Variants in CNBD1 observed in about 807,000 individuals in gnomAD.
CNBD1 encodes cyclic nucleotide-binding domain-containing protein 1.
In CNBD1, 71 loss-of-function variants were observed where a neutral mutation model predicts 54.4. That is an observed-to-expected ratio of 1.30 (90% CI 1.08 to 1.59). The LOEUF is 1.59. CNBD1 is among the 40% of genes most tolerant of loss of function. The pLI is 0.00. For synonymous variants in CNBD1, 182 were observed against 170.7 expected (o/e 1.07, Z -0.51); for missense variants, 659 against 518.0 (o/e 1.27, Z -2.64).
At chr8:87,319,023 A>G (rs1046872294) in intron 8 of CNBD1, among the ~76,000 whole-genome samples, 2 of 152,106 alleles carry the variant, frequency 1.3e-5, no homozygotes, top group African/African-American at 4.8e-5. Context: ...AGTAAATAAA[A>G]TCATGGGTTC....
chr8:86,983,156 G>A (rs1311708334), intron 4 of CNBD1, among the ~76,000 whole-genome samples: 1 of 152,048 alleles, frequency 6.6e-6, no homozygotes, highest in African/African-American at 2.4e-5. Flanking sequence ...TATCATGGGG[G>A]CAGGCTTTTC....
At chr8:87,078,885 A>G (rs953820149) in intron 4 of CNBD1, among the ~76,000 whole-genome samples, 5 of 152,164 alleles carry the variant, frequency 3.3e-5, no homozygotes, top group Admixed American at 2.0e-4. Context: ...ATCATTTTTA[A>G]TATCAACTTT....
chr8:87,391,269 A>G (rs189283436), intron 2 of CNBD1, among the ~76,000 whole-genome samples: 1 of 152,054 alleles, frequency 6.6e-6, no homozygotes, highest in Non-Finnish European at 1.5e-5. Context: ...AATAAAAAAA[A>G]GATAACGATT....
chr8:87,190,603 C>G (rs1003525196), intron 4 of CNBD1, among the ~76,000 whole-genome samples: 4 of 152,194 alleles, frequency 2.6e-5, no homozygotes, highest in African/African-American at 9.6e-5. Context: ...TTGATCTTAA[C>G]TCAGAGGTAG....
At chr8:87,129,293 CA>C (rs1038669610) in intron 4 of CNBD1, among the ~76,000 whole-genome samples, 5 of 151,840 alleles carry the variant, frequency 3.3e-5, no homozygotes, top group African/African-American at 1.2e-4. Context: ...CCATCTGGGC[CA>C]AAAGTCGTCT....
intron 5 of CNBD1, among the ~76,000 whole-genome samples, chr8:87,227,741 G>T (rs912382594): frequency 6.7e-6 from 1 of 149,340 alleles, no homozygotes; most frequent in Admixed American, 6.7e-5. Context: ...TTCTCGAGGA[G>T]TATCTTTGTG....
intron 4 of CNBD1, among the ~76,000 whole-genome samples, chr8:87,155,707 G>A (rs1423883870): frequency 5.9e-5 from 9 of 152,176 alleles, no homozygotes; most frequent in Non-Finnish European, 1.3e-4. Context: ...GGTGTTTGTT[G>A]TATATACCTG....
chr8:87,195,703 A>G (rs1181359023), intron 4 of CNBD1, among the ~76,000 whole-genome samples: 2 of 150,882 alleles, frequency 1.3e-5, no homozygotes, highest in Non-Finnish European at 2.9e-5. Context: ...CCTCCTGAGT[A>G]GCTGGGACTA....
rs544425898 is a variant in CNBD1, at chr8:87,353,701, C to T, written c.1218C>T (p.Ser406=). Reference sequence around the variant, plus strand: ...AGAAGGAGTCCTTTGGTGAGATTAGCGTCCTTCTTCAAGTTCCTTTCACGT... The same window carrying T: ...AGAAGGAGTCCTTTGGTGAGATTAGTGTCCTTCTTCAAGTTCCTTTCACGT... The part of the protein sequence containing the change: ...LKEKESFGEI[S]VLLQVPFTCT... Residue 406 remains serine (S), a synonymous_variant, in exon 10 of 11, where the codon AGC becomes AGT. Coordinates refer to ENST00000518476, the MANE Select transcript of CNBD1 (RefSeq NM_173538.3). The T allele has an allele frequency of 1.6e-5, 25 of 1,609,264 alleles. No individual in the cohort carries two copies. The highest frequency in any genetic ancestry group is 6.6e-5 in the South Asian group (6 of 90,440).
At chr8:87,110,688 A>G (rs903713984) in intron 4 of CNBD1, among the ~76,000 whole-genome samples, 2 of 152,268 alleles carry the variant, frequency 1.3e-5, no homozygotes, top group Admixed American at 6.5e-5. Flanking sequence ...ACAAAATATC[A>G]TCAACATAAT....
chr8:87,194,864 T>C (rs1813681902), intron 4 of CNBD1, among the ~76,000 whole-genome samples: 1 of 152,092 alleles, frequency 6.6e-6, no homozygotes, highest in Non-Finnish European at 1.5e-5. Flanking sequence ...AGTGTCTTTT[T>C]TTGTTGTTTT....
At chr8:87,266,225 G>A (rs1808254146) in intron 6 of CNBD1, among the ~76,000 whole-genome samples, 2 of 151,294 alleles carry the variant, frequency 1.3e-5, no homozygotes, top group Non-Finnish European at 2.9e-5. Context: ...AACTTGAAAA[G>A]GTAATTTTAA....
intron 8 of CNBD1, among the ~76,000 whole-genome samples, chr8:87,335,361 G>T (rs1196934676): frequency 1.3e-5 from 2 of 152,088 alleles, no homozygotes; most frequent in Admixed American, 6.6e-5. Context: ...AGGTCTCTAA[G>T]AACTTGTTTT....
chr8:87,375,872 G>C (rs1197500442), intron 10 of CNBD1, among the ~76,000 whole-genome samples: 4 of 151,982 alleles, frequency 2.6e-5, no homozygotes, highest in Admixed American at 6.6e-5. Flanking sequence ...AAGATCCTAT[G>C]TCTGTCTTTT....
At chr8:86,913,689 C>A (rs187132979) in intron 3 of CNBD1, among the ~76,000 whole-genome samples, 46 of 152,236 alleles carry the variant, frequency 3.0e-4, no homozygotes, top group African/African-American at 8.4e-4. Context: ...AAGGTCAGAG[C>A]GAAACTAGCA....
intron 4 of CNBD1, among the ~76,000 whole-genome samples, chr8:87,079,018 C>G (rs1438939993): frequency 2.0e-5 from 3 of 151,758 alleles, no homozygotes; most frequent in Admixed American, 2.0e-4. Flanking sequence ...GTCTATCCCC[C>G]CCTTTTTTTC....
At chr8:87,403,928 A>C (rs1807608871) in intron 2 of CNBD1, among the ~76,000 whole-genome samples, 3 of 152,080 alleles carry the variant, frequency 2.0e-5, no homozygotes, top group Admixed American at 1.3e-4. Context: ...ATTTGCTTAC[A>C]AATAGTGCTA....
intron 4 of CNBD1, among the ~76,000 whole-genome samples, chr8:87,114,592 C>T (rs1180261951): frequency 1.3e-5 from 2 of 152,104 alleles, no homozygotes; most frequent in African/African-American, 2.4e-5. Context: ...CTCAGGTGAC[C>T]GCCCAGTGTG....
At chr8:86,940,725 T>C (rs890399873) in intron 4 of CNBD1, among the ~76,000 whole-genome samples, 1 of 151,984 alleles carries the variant, frequency 6.6e-6, no homozygotes, top group African/African-American at 2.4e-5. Context: ...AGAATTGAGA[T>C]TGATAACAGG....
Sources: gnomAD v4.1 joint callset for allele counts (sites outside exome capture counted in the v4.1 genomes callset) on GRCh38, gnomAD v4.1.1 for gene constraint, MANE v1.5 for transcripts, NCBI Gene and HGNC (gene_info 2026-07-23, HGNC 2026-07-21) for gene names.